Variants in SEC22C observed in about 807,000 individuals in gnomAD.
SEC22C encodes vesicle-trafficking protein SEC22c.
A neutral mutation model predicts 34.7 loss-of-function variants in SEC22C; 29 were observed. The ratio of observed to expected loss-of-function variants is 0.84; its 90% confidence interval spans 0.62 to 1.14. SEC22C has a LOEUF of 1.14. Among genes scored for constraint, SEC22C ranks in the 50% most tolerant of loss-of-function variants. The pLI is 0.00. For synonymous variants in SEC22C, 117 were observed against 132.8 expected, an observed-to-expected ratio of 0.88 and a Z score of 0.82; for missense variants, 337 against 369.0, an observed-to-expected ratio of 0.91 and a Z score of 0.71.
intron 5 of SEC22C, among the ~76,000 whole-genome samples, chr3:42,556,809 T>TG (rs1364801403): frequency 1.3e-5 from 2 of 152,182 alleles, no homozygotes; most frequent in African/African-American, 4.8e-5. Context: ...CTGCAACCCC[T>TG]GCCTCCCAGT....
At chr3:42,560,124 A>C (rs79233244) in intron 4 of SEC22C, among the ~76,000 whole-genome samples, 7,577 of 85,726 alleles carry the variant, frequency 0.088, 224 homozygotes, top group East Asian at 0.13. Context: ...CTCTCTCTAT[A>C]TATATATATA....
chr3:42,592,690 T>C (rs543962972), intron 1 of SEC22C, among the ~76,000 whole-genome samples: 264 of 152,370 alleles, frequency 1.7e-3, no homozygotes, highest in African/African-American at 5.2e-3. Flanking sequence ...TAAAAGTTTA[T>C]GGTAAATACC....
At position 42,596,018 on chromosome 3, in the gene SEC22C, T is replaced by C. The variant is rs149977800; in HGVS notation, c.-28+4942A>G. 3.5e-4 allele frequency among the ~76,000 whole-genome samples: 53 copies of C among 152,068 alleles called. No homozygotes were observed. The East Asian group carries it at 9.7e-3, about 28-fold the overall frequency. On this transcript the variant is annotated intron_variant, in intron 1 of 6. Coordinates refer to the SEC22C transcript ENST00000417572. ...CTTTTTCTTCTTTTTTTTGGTTTTG[T>C]TTTGTTTTGTTTTTGTTTTTGTTTT...
chr3:42,569,254 T>C (rs563888376), intron 1 of SEC22C, among the ~76,000 whole-genome samples, 181 bp from the exon 2 acceptor site: 1 of 152,346 alleles, frequency 6.6e-6, no homozygotes, highest in South Asian at 2.1e-4. Context: ...CCTCCCTTCA[T>C]TATCCTCCCT....
intron 2 of SEC22C, chr3:42,566,809 G>T: frequency 2.4e-6 from 1 of 422,488 alleles, no homozygotes; most frequent in Middle Eastern, 3.4e-4. Flanking sequence ...TTTAAGACCA[G>T]CCTGGGCAAC....
chr3:42,572,704 A>C (rs1342810257), intron 1 of SEC22C, among the ~76,000 whole-genome samples: 3 of 152,214 alleles, frequency 2.0e-5, no homozygotes, highest in African/African-American at 7.2e-5. Context: ...GATTTTAGTA[A>C]GATTCAGATC....
intron 1 of SEC22C, among the ~76,000 whole-genome samples, chr3:42,581,074 A>G (rs1704311002): frequency 6.6e-6 from 1 of 152,274 alleles, no homozygotes. Flanking sequence ...TGTACTTTCC[A>G]GAGGAAACAC....
intron 1 of SEC22C, chr3:42,581,390 T>A (rs1704334809): frequency 6.6e-6 from 1 of 152,262 alleles, no homozygotes; most frequent in Non-Finnish European, 1.5e-5. Context: ...AAACCTGTAA[T>A]GGAACGTCCT....
rs534912432 is a variant in SEC22C, at chr3:42,553,018, C to T, written c.*230G>A. 151 of 1,361,884 alleles carry T rather than the reference C, an allele frequency of 1.1e-4. 1 individual carries two copies. The highest frequency in any genetic ancestry group is 1.4e-4 in the Non-Finnish European group (143 of 1,058,986). The allele number at this position is 1,361,884 out of a possible 1,614,324, so 84.4% of individuals were successfully genotyped here. A position where few individuals can be genotyped will look rare whatever the true frequency, so the allele number is the denominator to read the frequency against. Reference sequence around the variant, plus strand: ...CCCAGATCCAGCTGTCCTAGGTAAACGTGCTGAACTGGCTGGAGATCCTGC... The same window carrying T: ...CCCAGATCCAGCTGTCCTAGGTAAATGTGCTGAACTGGCTGGAGATCCTGC... On this transcript the variant is annotated 3_prime_UTR_variant, in exon 7 of 7. Coordinates refer to ENST00000264454, the MANE Select transcript of SEC22C (RefSeq NM_032970.4).
chr3:42,565,589 T>G (rs1468181298), intron 2 of SEC22C, among the ~76,000 whole-genome samples: 2 of 152,126 alleles, frequency 1.3e-5, no homozygotes, highest in Non-Finnish European at 2.9e-5. Context: ...ATCAGTATCC[T>G]TATATGAAAG....
intron 1 of SEC22C, among the ~76,000 whole-genome samples, chr3:42,592,129 C>T (rs538181141): frequency 8.5e-5 from 13 of 152,112 alleles, no homozygotes; most frequent in South Asian, 2.1e-4. Flanking sequence ...TAAGTAGATA[C>T]CAAAATGAGA....
chr3:42,557,662 C>T lies in SEC22C; in HGVS notation c.561G>A (p.Leu187=). ...TGTTGAGAATGAGGGAGAGGATACC[C>T]AGGGCTGTCACTGGTTCCATTCGGA... ...PNFRMEPVTA[L]GILSLILNIM... is the part of the protein sequence containing the mutation. The change falls in exon 5 of 7, where the codon CTG becomes CTA. Residue 187 remains leucine (L), a synonymous_variant. Transcript: ENST00000264454. The T allele has an allele frequency of 6.2e-7, 1 of 1,610,686 alleles. No homozygotes were observed.
At position 42,563,499 on chromosome 3, in the gene SEC22C, T is replaced by C. The variant is rs755239702; in HGVS notation, c.346+24A>G. On this transcript the variant is annotated intron_variant, in intron 3 of 6. Transcript: ENST00000264454. ...CATATAACACCATGGAAGAGAAAAA[T>C]AAATATGAAAGAGGGTTACAAACCA... 13 of 1,591,576 alleles carry C rather than the reference T, an allele frequency of 8.2e-6. No individual in the cohort carries two copies. The East Asian group carries it at 2.0e-4, about 25-fold the overall frequency.
chr3:42,563,627 G>A lies in SEC22C; in HGVS notation c.242C>T (p.Ala81Val). The A allele has an allele frequency of 6.2e-7, 1 of 1,614,152 alleles. No individual in the cohort carries two copies. The highest frequency in any genetic ancestry group is 8.5e-7 in the Non-Finnish European group (1 of 1,179,996). The change falls in exon 3 of 7, where the codon GCC becomes GTC. Residue 81 changes from alanine to valine, a missense_variant. Coordinates refer to ENST00000264454, the MANE Select transcript of SEC22C (RefSeq NM_032970.4). ...MAICSCQCPAAMAFCFLETLW... is the reference protein window; with the variant it reads ...MAICSCQCPAVMAFCFLETLW... The stretch of plus-strand genomic sequence containing the variant: ...GGTCTCCAGGAAGCAGAAGGCCATG[G>A]CTGCTGGACACTGGCAGGAGCAGAT...
intron 1 of SEC22C, among the ~76,000 whole-genome samples, chr3:42,599,393 T>C (rs1705175267): frequency 6.6e-6 from 1 of 151,332 alleles, no homozygotes; most frequent in South Asian, 2.1e-4. Flanking sequence ...GGTAATTCAA[T>C]GTATAAGAGT....
At chr3:42,554,952 G>C (rs1342319760) in intron 6 of SEC22C, among the ~76,000 whole-genome samples, 1 of 151,552 alleles carries the variant, frequency 6.6e-6, no homozygotes, top group African/African-American at 2.4e-5. Context: ...GAACAGGTCT[G>C]AGTCAGAAGG....
chr3:42,590,140 T>C (rs1281054028), intron 1 of SEC22C, among the ~76,000 whole-genome samples: 1 of 152,232 alleles, frequency 6.6e-6, no homozygotes, highest in African/African-American at 2.4e-5. Context: ...GTCCAGGCTA[T>C]GTGGAAAAAC....
At chr3:42,554,514 T>C (rs1420020936) in intron 6 of SEC22C, among the ~76,000 whole-genome samples, 1 of 151,954 alleles carries the variant, frequency 6.6e-6, no homozygotes, top group East Asian at 1.9e-4. Context: ...TCAGCTGATT[T>C]TTGTATTTTT....
exon 1 of SEC22C, chr3:42,600,988 T>TG (rs1166686710): frequency 6.4e-7 from 1 of 1,551,294 alleles, no homozygotes; most frequent in Non-Finnish European, 8.7e-7. Flanking sequence ...TCCCAGCTCT[T>TG]GCCGCCACCT....
Sources: allele counts gnomAD v4.1 joint callset (sites outside exome capture counted in the v4.1 genomes callset), GRCh38; gene constraint gnomAD v4.1.1; transcripts MANE v1.5; gene names NCBI Gene and HGNC (gene_info 2026-07-23, HGNC 2026-07-21).